The following AFG2A variants were observed in gnomAD, a reference collection of about 807,000 sequenced individuals.
The protein encoded by AFG2A is ATPase family gene 2 protein homolog A.
the AFG2A span, among the ~76,000 whole-genome samples, chr4:123,047,934 A>AAGTG: frequency 6.6e-6 from 1 of 152,210 alleles, no homozygotes; most frequent in South Asian, 2.1e-4. Flanking sequence ...TTCTGGCCTC[A>AAGTG]AGTGATCCTC....
At chr4:123,123,929 G>A in the AFG2A span, among the ~76,000 whole-genome samples, 1 of 136,970 alleles carries the variant, frequency 7.3e-6, no homozygotes. Flanking sequence ...TCCAGCCTGG[G>A]CGACAGAGTG....
chr4:123,265,352 C>T, the AFG2A span, among the ~76,000 whole-genome samples: 1 of 152,042 alleles, frequency 6.6e-6, no homozygotes, highest in African/African-American at 2.4e-5. Context: ...ATGAAGGTTG[C>T]AAAATTATAA....
chr4:123,220,613 CAAAAAAAAAAA>C, the AFG2A span, among the ~76,000 whole-genome samples: 1 of 41,792 alleles, frequency 2.4e-5, no homozygotes, highest in Non-Finnish European at 4.9e-5. Context: ...GACTCCAACT[CAAAAAAAAAAA>C]AAAAAAAAAA....
the AFG2A span, among the ~76,000 whole-genome samples, chr4:122,954,797 G>C: frequency 6.6e-6 from 1 of 151,414 alleles, no homozygotes; most frequent in Admixed American, 6.6e-5. Context: ...GGCTGCCACA[G>C]CTCAGGCATC....
chr4:123,201,026 C>T, the AFG2A span, among the ~76,000 whole-genome samples: 1 of 152,140 alleles, frequency 6.6e-6, no homozygotes. Flanking sequence ...ATAAAATAAG[C>T]TAAGAAACAA....
the AFG2A span, among the ~76,000 whole-genome samples, chr4:123,123,519 T>G: frequency 6.6e-6 from 1 of 152,132 alleles, no homozygotes; most frequent in Non-Finnish European, 1.5e-5. Context: ...TGTGTAGTCA[T>G]GAAGAAGAAC....
chr4:123,272,646 TC>T, the AFG2A span, among the ~76,000 whole-genome samples: 7 of 152,294 alleles, frequency 4.6e-5, no homozygotes, highest in East Asian at 1.3e-3. Flanking sequence ...CGTAGCCTAC[TC>T]AGATTGACAT....
the AFG2A span, among the ~76,000 whole-genome samples, chr4:122,970,824 T>C: frequency 2.0e-5 from 3 of 151,304 alleles, no homozygotes; most frequent in Non-Finnish European, 2.9e-5. Context: ...TGTCTGTATC[T>C]AGAAGAAGTA....
chr4:123,236,154 C>G, the AFG2A span, among the ~76,000 whole-genome samples: 1 of 152,112 alleles, frequency 6.6e-6, no homozygotes, highest in Non-Finnish European at 1.5e-5. Context: ...AAAATTTTTA[C>G]ACGTAAAATT....
At chr4:123,067,606 G>GA in the AFG2A span, among the ~76,000 whole-genome samples, 142,790 of 152,054 alleles carry the variant, frequency 0.94, 67,098 homozygotes, top group East Asian at 0.97. Context: ...TGTATACTAG[G>GA]AAAAATATTT....
At chr4:123,245,460 C>CT in the AFG2A span, among the ~76,000 whole-genome samples, 1 of 152,086 alleles carries the variant, frequency 6.6e-6, no homozygotes, top group African/African-American at 2.4e-5. Context: ...AGCAGATTCA[C>CT]TTTTTACAAG....
chr4:123,180,636 AT>A, the AFG2A span, among the ~76,000 whole-genome samples: 5 of 152,236 alleles, frequency 3.3e-5, no homozygotes, highest in Non-Finnish European at 7.3e-5. Flanking sequence ...TAAATCAGAA[AT>A]TCCTGAGAAT....
At chr4:123,026,972 G>A in the AFG2A span, among the ~76,000 whole-genome samples, 1 of 151,982 alleles carries the variant, frequency 6.6e-6, no homozygotes, top group Non-Finnish European at 1.5e-5. Flanking sequence ...TATTACCCTA[G>A]ATACCATTTT....
chr4:123,052,614 G>A, the AFG2A span, among the ~76,000 whole-genome samples: 1 of 152,186 alleles, frequency 6.6e-6, no homozygotes, highest in Non-Finnish European at 1.5e-5. Context: ...AGAATTCTAA[G>A]CCAACTGAGT....
At chr4:123,301,405 G>T in the AFG2A span, among the ~76,000 whole-genome samples, 1 of 152,072 alleles carries the variant, frequency 6.6e-6, no homozygotes, top group African/African-American at 2.4e-5. Flanking sequence ...CAAGTCAGAG[G>T]AAGCAGAGAC....
chr4:122,998,655 G>C, the AFG2A span, among the ~76,000 whole-genome samples: 2 of 152,112 alleles, frequency 1.3e-5, no homozygotes, highest in African/African-American at 4.8e-5. Flanking sequence ...CATTTTTTAT[G>C]GCTGCATAGT....
At chr4:123,115,187 C>G in the AFG2A span, among the ~76,000 whole-genome samples, 4 of 152,112 alleles carry the variant, frequency 2.6e-5, no homozygotes, top group African/African-American at 9.7e-5. Flanking sequence ...CCCCTGTGGA[C>G]CCGGCTCTCG....
chr4:123,217,853 C>T, the AFG2A span, among the ~76,000 whole-genome samples: 1 of 152,064 alleles, frequency 6.6e-6, no homozygotes, highest in South Asian at 2.1e-4. Context: ...GCCATAAACC[C>T]GTTTTAATTT....
At chr4:123,304,303 C>T in the AFG2A span, among the ~76,000 whole-genome samples, 1 of 152,114 alleles carries the variant, frequency 6.6e-6, no homozygotes, top group Non-Finnish European at 1.5e-5. Flanking sequence ...GGTAAAGGGC[C>T]CTCCCCCTGC....
Sources: gnomAD v4.1 joint callset for allele counts (sites outside exome capture counted in the v4.1 genomes callset) on GRCh38, gnomAD v4.1.1 for gene constraint, MANE v1.5 for transcripts, NCBI Gene and HGNC (gene_info 2026-07-23, HGNC 2026-07-21) for gene names.